ARMH4: variants seen among roughly 807,000 people sequenced by gnomAD.
ARMH4 encodes armadillo like helical domain containing 4, also known as armadillo-like helical domain-containing protein 4.
In ARMH4, 49 loss-of-function variants were observed where a neutral mutation model predicts 61.9. That is an observed-to-expected ratio of 0.79 (90% CI 0.63 to 1.00). ARMH4 has a LOEUF of 1.00. ARMH4 is among the 50% of genes least tolerant of loss of function. The pLI is 0.00. For synonymous variants in ARMH4, 368 were observed against 341.5 expected, an observed-to-expected ratio of 1.08 and a Z score of -0.85; for missense variants, 934 against 930.0, an observed-to-expected ratio of 1.00 and a Z score of -0.06.
At chr14:58,124,791 C>T (rs1404950546) in intron 4 of ARMH4, among the ~76,000 whole-genome samples, 1 of 152,208 alleles carries the variant, frequency 6.6e-6, no homozygotes, top group Admixed American at 6.5e-5. Context: ...CTTTGAAAAG[C>T]GAGGTATGCA....
chr14:58,042,406 A>G (rs911463985), intron 5 of ARMH4, among the ~76,000 whole-genome samples: 2 of 152,222 alleles, frequency 1.3e-5, no homozygotes, highest in Non-Finnish European at 2.9e-5. Context: ...ACCAATGAGA[A>G]CAAAGACACA....
chr14:58,061,245 G>A (rs1884521567), intron 5 of ARMH4, among the ~76,000 whole-genome samples: 1 of 152,170 alleles, frequency 6.6e-6, no homozygotes, highest in South Asian at 2.1e-4. Context: ...GCCAAGTCTA[G>A]GACGAGCGAC....
chr14:58,022,223 ACTCTCT>A (rs138288817), intron 5 of ARMH4, among the ~76,000 whole-genome samples: 1 of 147,730 alleles, frequency 6.8e-6, no homozygotes, highest in Non-Finnish European at 1.5e-5. Flanking sequence ...AACGTCTTCA[ACTCTCT>A]CTCTCTCTCT....
chr14:58,015,514 A>G (rs1025129379), intron 5 of ARMH4, among the ~76,000 whole-genome samples: 11 of 152,146 alleles, frequency 7.2e-5, no homozygotes, highest in African/African-American at 2.7e-4. Flanking sequence ...ATAGTATTGA[A>G]CACTCAGGTG....
chr14:58,041,676 C>T (rs568426663), intron 5 of ARMH4, among the ~76,000 whole-genome samples: 205 of 152,212 alleles, frequency 1.3e-3, no homozygotes, highest in African/African-American at 4.7e-3. Flanking sequence ...CAAGACCCAT[C>T]AGTGTGCTGT....
chr14:58,055,283 T>C (rs1221583515), intron 5 of ARMH4, among the ~76,000 whole-genome samples: 1 of 152,208 alleles, frequency 6.6e-6, no homozygotes, highest in Non-Finnish European at 1.5e-5. Context: ...AACAAATATG[T>C]CCCAGGACAG....
chr14:58,098,037 A>C (rs757072103), intron 4 of ARMH4, among the ~76,000 whole-genome samples: 9 of 150,962 alleles, frequency 6.0e-5, no homozygotes, highest in Middle Eastern at 3.2e-3. Flanking sequence ...AGTTCACAGA[A>C]GGCCTTCCCT....
At chr14:58,096,305 C>T (rs1426078423) in intron 5 of ARMH4, among the ~76,000 whole-genome samples, 1 of 152,190 alleles carries the variant, frequency 6.6e-6, no homozygotes, top group Non-Finnish European at 1.5e-5. Context: ...ATTTGTTCTT[C>T]GACTCTGTCC....
intron 1 of ARMH4, among the ~76,000 whole-genome samples, chr14:58,148,262 G>T (rs2140004375): frequency 6.6e-6 from 1 of 152,258 alleles, no homozygotes; most frequent in Non-Finnish European, 1.5e-5. Context: ...GGCCAGGCTG[G>T]TCTCGAACTC....
chr14:58,136,168 G>A (rs1300596908), intron 2 of ARMH4, among the ~76,000 whole-genome samples: 1 of 152,088 alleles, frequency 6.6e-6, no homozygotes, highest in Non-Finnish European at 1.5e-5. Flanking sequence ...AAAAGTAGTG[G>A]CCTTTTAAAA....
chr14:58,071,838 T>A (rs1347869976), intron 5 of ARMH4, among the ~76,000 whole-genome samples: 1 of 152,242 alleles, frequency 6.6e-6, no homozygotes, highest in East Asian at 1.9e-4. Context: ...TCTTTATGCA[T>A]TTCAAATAGT....
At position 58,004,153 on chromosome 14, in the gene ARMH4, T is replaced by A. The variant is rs1882075378; in HGVS notation, c.*583A>T. ...GAATAATAAAACTAGGAGACTGAAGTACATAATGCAAAATACATACAAATC... is the reference window on the plus strand; with the variant it reads ...GAATAATAAAACTAGGAGACTGAAGAACATAATGCAAAATACATACAAATC... On this transcript the variant is annotated 3_prime_UTR_variant, in exon 8 of 8. Coordinates refer to ENST00000267485, the MANE Select transcript of ARMH4 (RefSeq NM_001001872.4). 1 of 152,202 alleles carries A rather than the reference T, an allele frequency of 6.6e-6. No individual in the cohort carries two copies. The highest frequency in any genetic ancestry group is 2.1e-4 in the South Asian group (1 of 4,830). The allele number at this position is 152,202 out of a possible 1,614,324, so 9.4% of individuals were successfully genotyped here. A position where few individuals can be genotyped will look rare whatever the true frequency, so the allele number is the denominator to read the frequency against.
At chr14:58,055,049 C>T (rs1235329497) in intron 5 of ARMH4, among the ~76,000 whole-genome samples, 2 of 152,124 alleles carry the variant, frequency 1.3e-5, no homozygotes, top group South Asian at 2.1e-4. Context: ...GCACACACTA[C>T]GCTGCCACTG....
At chr14:58,140,523 G>A (rs867102912) in intron 1 of ARMH4, among the ~76,000 whole-genome samples, 2 of 151,930 alleles carry the variant, frequency 1.3e-5, no homozygotes, top group African/African-American at 2.4e-5. Flanking sequence ...AGAGGTTGCA[G>A]TGAGCTGAGA....
At position 58,003,009 on chromosome 14, in the gene ARMH4, T is replaced by A. The variant is rs1021242100; in HGVS notation, c.*1727A>T. 1.3e-5 allele frequency: 2 copies of A among 151,248 alleles called. No individual in the cohort carries two copies. Among genetic ancestry groups the A allele is most frequent in the Non-Finnish European group, 2.9e-5 (2 of 67,872 alleles). 9.4% of individuals were successfully genotyped at this position (151,248 alleles called of 1,614,324 possible). A position where few individuals can be genotyped will look rare whatever the true frequency, so the allele number is the denominator to read the frequency against. On this transcript the variant is annotated 3_prime_UTR_variant, in exon 8 of 8. Transcript: ENST00000267485. Reference sequence around the variant, plus strand: ...GGAAGGTTTATTAGTTCCATAGAGGTGATACTCAAATGTATGACTGTAAAG... The same window carrying A: ...GGAAGGTTTATTAGTTCCATAGAGGAGATACTCAAATGTATGACTGTAAAG...
chr14:58,021,397 G>C (rs1396022315), intron 5 of ARMH4, among the ~76,000 whole-genome samples: 1 of 152,204 alleles, frequency 6.6e-6, no homozygotes, highest in African/African-American at 2.4e-5. Context: ...TGTAGGATGT[G>C]CCTTTGGCTC....
intron 5 of ARMH4, among the ~76,000 whole-genome samples, chr14:58,094,323 C>T (rs1227657923): frequency 1.9e-4 from 9 of 48,376 alleles, no homozygotes; most frequent in Non-Finnish European, 4.4e-4. Flanking sequence ...GAGTGAGACG[C>T]TTTCTCAAAA....
At chr14:58,077,548 A>T (rs1885087536) in intron 5 of ARMH4, among the ~76,000 whole-genome samples, 1 of 152,186 alleles carries the variant, frequency 6.6e-6, no homozygotes, top group Non-Finnish European at 1.5e-5. Context: ...TCAAGGTTGT[A>T]ATGAGATGTG....
At chr14:58,047,556 C>T (rs2141194019) in intron 5 of ARMH4, among the ~76,000 whole-genome samples, 1 of 152,318 alleles carries the variant, frequency 6.6e-6, no homozygotes, top group Non-Finnish European at 1.5e-5. Flanking sequence ...AGAGGTTAAA[C>T]TTCTTGCCCA....
Sources: allele counts gnomAD v4.1 joint callset (sites outside exome capture counted in the v4.1 genomes callset), GRCh38; gene constraint gnomAD v4.1.1; transcripts MANE v1.5; gene names NCBI Gene and HGNC (gene_info 2026-07-23, HGNC 2026-07-21).